ADCY8: variants seen among roughly 807,000 people sequenced by gnomAD.
ADCY8 encodes adenylate cyclase 8, also known as adenylate cyclase type 8.
A neutral mutation model predicts 119.7 loss-of-function variants in ADCY8; 51 were observed. The ratio of observed to expected loss-of-function variants is 0.43; its 90% CI spans 0.34 to 0.54. ADCY8 has a LOEUF of 0.54. Among genes scored for constraint, ADCY8 ranks in the 20% least tolerant of loss-of-function variants. The pLI is 0.03. For missense variants in ADCY8, 1,383 were observed against 1,598.8 expected, an observed-to-expected ratio of 0.87 and a Z score of 2.30; for synonymous variants, 665 against 651.0, an observed-to-expected ratio of 1.02 and a Z score of -0.33.
intron 2 of ADCY8, among the ~76,000 whole-genome samples, chr8:130,977,843 T>A (rs1822119542): frequency 1.3e-5 from 2 of 152,364 alleles, no homozygotes; most frequent in South Asian, 4.1e-4. Flanking sequence ...TTGCAGAATC[T>A]GATTTAGAGT....
intron 5 of ADCY8, among the ~76,000 whole-genome samples, chr8:130,918,263 C>T (rs1820190246): frequency 6.6e-6 from 1 of 152,166 alleles, no homozygotes; most frequent in Non-Finnish European, 1.5e-5. Flanking sequence ...GGTGAGGGCC[C>T]TCTTCCTGGC....
At chr8:130,872,916 G>C (rs559082067) in intron 8 of ADCY8, among the ~76,000 whole-genome samples, 2 of 152,300 alleles carry the variant, frequency 1.3e-5, no homozygotes, top group African/African-American at 4.8e-5. Context: ...GTTCATGTCT[G>C]GGGATTCTGG....
chr8:130,831,081 G>C (rs2130242531), intron 12 of ADCY8, among the ~76,000 whole-genome samples: 1 of 152,300 alleles, frequency 6.6e-6, no homozygotes, highest in East Asian at 1.9e-4. Flanking sequence ...TGTGAAGTAT[G>C]ACACAAATCC....
At chr8:131,036,903 T>C (rs1471436167) in intron 1 of ADCY8, among the ~76,000 whole-genome samples, 4 of 152,212 alleles carry the variant, frequency 2.6e-5, no homozygotes, top group African/African-American at 9.6e-5. Context: ...AAGCATGCTG[T>C]GGTAAGAAGT....
chr8:130,780,481 T>C lies in ADCY8; in HGVS notation c.3665A>G (p.Lys1222Arg). The change falls in exon 18 of 18, where the codon AAG becomes AGG. Residue 1222 changes from lysine (K) to arginine (R), a missense_variant. This residue lies in a region of ADCY8 where 928 missense variants were observed against 1,163.5 expected (regional missense o/e 0.80). Coordinates refer to ENST00000286355, the MANE Select transcript of ADCY8 (RefSeq NM_001115.3). ...LNENNNTGII[K>R]GHYNRRTLLS... ...CAAAGTCCGCCGGTTGTAATGACCC[T>C]TGATGATTCCTGTGTTGTTGTTCTC... 6.2e-7 allele frequency: 1 copy of C among 1,614,102 alleles called. No individual in the cohort carries two copies. The highest frequency in any genetic ancestry group is 8.5e-7 in the Non-Finnish European group (1 of 1,179,980).
chr8:130,943,497 G>GGGGGGGGGGGCCCC, intron 3 of ADCY8, 35 bp from the exon 4 acceptor site: 4 of 491,344 alleles, frequency 8.1e-6, no homozygotes, highest in East Asian at 1.1e-4. Context: ...GTGGGGGGAG[G>GGGGGGGGGGGCCCC]AAGTATATTA....
At chr8:130,867,413 C>T (rs12544368) in intron 9 of ADCY8, among the ~76,000 whole-genome samples, 53,563 of 151,886 alleles carry the variant, frequency 0.35, 9,495 homozygotes, top group Non-Finnish European at 0.38. Context: ...AGTTTTTGTA[C>T]GTAAAGTAGA....
At chr8:130,877,701 T>C (rs1425367644) in intron 8 of ADCY8, among the ~76,000 whole-genome samples, 1 of 152,194 alleles carries the variant, frequency 6.6e-6, no homozygotes, top group East Asian at 1.9e-4. Context: ...TATCTTTTTT[T>C]GGAAAATAGT....
intron 2 of ADCY8, among the ~76,000 whole-genome samples, chr8:130,966,017 CT>C (rs1170530684): frequency 6.6e-6 from 1 of 152,184 alleles, no homozygotes; most frequent in African/African-American, 2.4e-5. Flanking sequence ...TTTGTCTGGA[CT>C]CCTTTGGTCA....
intron 1 of ADCY8, among the ~76,000 whole-genome samples, chr8:131,038,556 A>G (rs1044132985): frequency 6.6e-6 from 1 of 152,228 alleles, no homozygotes; most frequent in African/African-American, 2.4e-5. Flanking sequence ...ACATAAGCAT[A>G]TCCATATTTA....
At chr8:130,847,384 T>C (rs1467664155) in intron 11 of ADCY8, 40 bp downstream of exon 11, 1 of 1,452,062 alleles carries the variant, frequency 6.9e-7, no homozygotes, top group Non-Finnish European at 9.6e-7. Context: ...GAGATATATC[T>C]ATGTCCAACT....
At chr8:130,992,255 T>C (rs1391032755) in intron 1 of ADCY8, among the ~76,000 whole-genome samples, 1 of 148,106 alleles carries the variant, frequency 6.8e-6, no homozygotes, top group Non-Finnish European at 1.5e-5. Context: ...AATTTTTGTA[T>C]TTTTAGTAGA....
At chr8:130,821,757 G>A (rs575145182) in intron 12 of ADCY8, among the ~76,000 whole-genome samples, 50 of 152,288 alleles carry the variant, frequency 3.3e-4, no homozygotes, top group Non-Finnish European at 6.2e-4. Flanking sequence ...AAATCCATGT[G>A]AAGATGGAAT....
chr8:130,988,479 GCTTTCTACATAGTATCT>G (rs1170470057), intron 2 of ADCY8, among the ~76,000 whole-genome samples: 5 of 152,126 alleles, frequency 3.3e-5, no homozygotes, highest in African/African-American at 4.8e-5. Context: ...TGTTTGTATT[GCTTTCTACATAGTATCT>G]CATTTGAGGC....
chr8:130,846,755 TCCTTCCTTCC>T (rs1354394429), intron 11 of ADCY8, among the ~76,000 whole-genome samples: 6 of 128,912 alleles, frequency 4.7e-5, no homozygotes, highest in African/African-American at 1.5e-4. Context: ...CTACCTTCTG[TCCTTCCTTCC>T]CCTTCCTTCC....
At chr8:130,854,901 CTCCCCCTTTTCTTT>C (rs1290656596) in intron 9 of ADCY8, among the ~76,000 whole-genome samples, 42 of 143,142 alleles carry the variant, frequency 2.9e-4, no homozygotes, top group African/African-American at 1.1e-3. Context: ...CCCTCCCTCC[CTCCCCCTTTTCTTT>C]TCCCCCTTTC....
intron 1 of ADCY8, among the ~76,000 whole-genome samples, chr8:130,992,382 CATATATATATATATATATATATATAT>C (rs1161136558): frequency 0.014 from 1,112 of 78,084 alleles, 67 homozygotes; most frequent in South Asian, 0.032. Context: ...CTGTATCTGG[CATATATATATATATATATATATATAT>C]ATATATATAT....
intron 1 of ADCY8, among the ~76,000 whole-genome samples, chr8:130,999,721 T>C (rs2130759671): frequency 6.6e-6 from 1 of 152,300 alleles, no homozygotes; most frequent in East Asian, 1.9e-4. Context: ...TCCACCTATT[T>C]CTGGATCTCC....
intron 2 of ADCY8, among the ~76,000 whole-genome samples, chr8:130,988,786 A>G (rs1822483971): frequency 6.6e-6 from 1 of 152,238 alleles, no homozygotes; most frequent in Admixed American, 6.5e-5. Context: ...CAAGACACCC[A>G]GCTTGAAGGA....
Sources: allele counts gnomAD v4.1 joint callset (sites outside exome capture counted in the v4.1 genomes callset), GRCh38; gene constraint gnomAD v4.1.1; regional missense constraint gnomAD v4.1.1; transcripts MANE v1.5; gene names NCBI Gene and HGNC (gene_info 2026-07-23, HGNC 2026-07-21).